Variants in CDH13 observed in about 807,000 individuals in gnomAD.
The protein encoded by CDH13 is cadherin-13.
Under a neutral mutation model 63.8 loss-of-function variants are expected in CDH13, and 24 were observed. That is an observed-to-expected ratio of 0.38 (90% CI 0.27 to 0.53). The LOEUF (loss-of-function observed/expected upper bound fraction) is 0.53, where lower values mean the gene tolerates loss of function less well. CDH13 is among the 20% of genes least tolerant of loss of function. CDH13 has a pLI of 0.85. For missense variants in CDH13, 1,049 were observed against 903.1 expected, an observed-to-expected ratio of 1.16 and a Z score of -2.07; for synonymous variants, 503 against 355.3, an observed-to-expected ratio of 1.42 and a Z score of -4.67.
rs185941892 is a variant in CDH13, at chr16:82,824,161, C to T, written c.46-34201C>T. The T allele has an allele frequency of 1.8e-4, 27 of 151,996 alleles. 1 individual carries two copies. The highest frequency in any genetic ancestry group is 1.5e-3 in the Admixed American group (23 of 15,272). 9.4% of individuals were successfully genotyped at this position (151,996 alleles called of 1,614,324 possible). ...TAGCTCAAAGATGAGATAATTTGAG[C>T]CTCAAAACAAAATAAGTGATTTCAA... On this transcript the variant is annotated intron_variant, in intron 1 of 13. Transcript: ENST00000567109.
chr16:83,348,593 G>A (rs189439617), intron 6 of CDH13, among the ~76,000 whole-genome samples: 2 of 152,216 alleles, frequency 1.3e-5, no homozygotes, highest in Admixed American at 6.5e-5. Flanking sequence ...GTTGAACAAG[G>A]TGTCTGCATT....
At chr16:83,653,690 G>A (rs998510160) in intron 8 of CDH13, among the ~76,000 whole-genome samples, 15 of 152,092 alleles carry the variant, frequency 9.9e-5, no homozygotes, top group Admixed American at 4.6e-4. Flanking sequence ...GTTTAGAAAG[G>A]AAGAAATCAC....
intron 4 of CDH13, among the ~76,000 whole-genome samples, chr16:83,173,648 G>A (rs111234228): frequency 1.8e-4 from 28 of 152,084 alleles, no homozygotes; most frequent in Admixed American, 2.6e-4. Context: ...TTACTAGGGC[G>A]TTCTGTATTT....
At chr16:83,551,724 C>G (rs563017798) in intron 7 of CDH13, among the ~76,000 whole-genome samples, 13 of 152,322 alleles carry the variant, frequency 8.5e-5, no homozygotes, top group Admixed American at 7.8e-4. Context: ...ATAAATGCAT[C>G]TCCCTTTCCT....
At chr16:82,695,186 G>A (rs1162525996) in intron 1 of CDH13, among the ~76,000 whole-genome samples, 3 of 152,170 alleles carry the variant, frequency 2.0e-5, no homozygotes, top group African/African-American at 4.8e-5. Context: ...CAACCTAGCT[G>A]CTTTGTGCCT....
At chr16:83,235,140 G>T (rs1240556565) in intron 5 of CDH13, among the ~76,000 whole-genome samples, 1 of 152,186 alleles carries the variant, frequency 6.6e-6, no homozygotes, top group Non-Finnish European at 1.5e-5. Flanking sequence ...GGGAGTTCAA[G>T]GCTGCGGTGA....
intron 9 of CDH13, among the ~76,000 whole-genome samples, chr16:83,673,603 A>G (rs1304278581): frequency 6.6e-6 from 1 of 152,198 alleles, no homozygotes; most frequent in Non-Finnish European, 1.5e-5. Flanking sequence ...AAAAAAAGAA[A>G]AACCAGACTT....
intron 1 of CDH13, among the ~76,000 whole-genome samples, chr16:82,839,620 C>T (rs879497070): frequency 6.6e-6 from 1 of 152,168 alleles, no homozygotes; most frequent in Non-Finnish European, 1.5e-5. Flanking sequence ...AACGGCTTTG[C>T]TGGCCAGTGA....
intron 3 of CDH13, among the ~76,000 whole-genome samples, chr16:83,112,559 ATC>A (rs1198402327): frequency 6.6e-6 from 1 of 152,222 alleles, no homozygotes; most frequent in African/African-American, 2.4e-5. Context: ...TTAACCCTTT[ATC>A]TCTTTCTCTT....
chr16:82,857,679 A>G (rs2039758561), intron 1 of CDH13, among the ~76,000 whole-genome samples: 1 of 152,248 alleles, frequency 6.6e-6, no homozygotes, highest in South Asian at 2.1e-4. Flanking sequence ...AAGGAATAAG[A>G]AACTGGTGAA....
chr16:83,769,934 G>C lies in CDH13; in HGVS notation c.1682-10034G>C, dbSNP rs141116388. 3.0e-3 allele frequency among the ~76,000 whole-genome samples: 452 copies of C among 152,192 alleles called. 3 individuals carry two copies. The highest frequency in any genetic ancestry group is 0.011 in the African/African-American group (437 of 41,520). The stretch of plus-strand genomic sequence containing the variant: ...AATTAAACCACCTCAGAAAAATCAG[G>C]GTACTTGGTTACGGTACATGACCTA... On this transcript the variant is annotated intron_variant, in intron 11 of 13. Transcript: ENST00000567109.
intron 10 of CDH13, among the ~76,000 whole-genome samples, chr16:83,700,326 C>T (rs1337153658): frequency 6.6e-5 from 10 of 152,200 alleles, no homozygotes; most frequent in Admixed American, 1.3e-4. Context: ...CTCGAAAGAA[C>T]TTCAGATTCC....
chr16:83,551,025 A>G (rs1223830000), intron 7 of CDH13, among the ~76,000 whole-genome samples: 1 of 150,550 alleles, frequency 6.6e-6, no homozygotes, highest in African/African-American at 2.5e-5. Context: ...GCCTACCCCC[A>G]TCTCTGTTCC....
intron 4 of CDH13, among the ~76,000 whole-genome samples, chr16:83,193,926 C>T (rs1489096196): frequency 1.3e-5 from 2 of 152,140 alleles, no homozygotes; most frequent in Non-Finnish European, 2.9e-5. Flanking sequence ...TGTCCCAAAG[C>T]AGACACTTAA....
chr16:83,120,144 C>T (rs1018598103), intron 3 of CDH13, among the ~76,000 whole-genome samples: 1 of 152,108 alleles, frequency 6.6e-6, no homozygotes, highest in Non-Finnish European at 1.5e-5. Flanking sequence ...CCTGTCCCTT[C>T]CAGGTACTGT....
chr16:83,693,767 AG>A (rs1227788960), intron 10 of CDH13, among the ~76,000 whole-genome samples: 3 of 152,318 alleles, frequency 2.0e-5, no homozygotes, highest in Admixed American at 1.3e-4. Flanking sequence ...ACATATAACT[AG>A]TCATATTTTC....
At chr16:83,107,235 T>C (rs1428432640) in intron 3 of CDH13, among the ~76,000 whole-genome samples, 1 of 152,184 alleles carries the variant, frequency 6.6e-6, no homozygotes, top group Non-Finnish European at 1.5e-5. Context: ...AAGAGTCCCG[T>C]TGAATTTCCA....
chr16:82,645,845 C>G (rs1310711382), intron 1 of CDH13, among the ~76,000 whole-genome samples: 1 of 152,124 alleles, frequency 6.6e-6, no homozygotes, highest in Non-Finnish European at 1.5e-5. Flanking sequence ...ATGGTTATTC[C>G]AAAGGGCATT....
At chr16:83,726,838 CAAAAAAAA>C (rs35810041) in intron 10 of CDH13, among the ~76,000 whole-genome samples, 1 of 145,804 alleles carries the variant, frequency 6.9e-6, no homozygotes, top group Non-Finnish European at 1.5e-5. Flanking sequence ...GACTCTGTCT[CAAAAAAAA>C]AAAAAAATCA....
Sources: allele counts gnomAD v4.1 joint callset (sites outside exome capture counted in the v4.1 genomes callset), GRCh38; gene constraint gnomAD v4.1.1; transcripts MANE v1.5; gene names NCBI Gene and HGNC (gene_info 2026-07-23, HGNC 2026-07-21).